Variants in CALN1 observed in about 807,000 individuals in gnomAD.
CALN1 encodes calcium-binding protein 8.
A neutral mutation model predicts 30.6 loss-of-function variants in CALN1; 17 were observed. That is an observed-to-expected ratio of 0.56 (90% CI 0.38 to 0.83). The LOEUF is 0.83. Among genes scored for constraint, CALN1 ranks in the 40% least tolerant of loss-of-function variants. CALN1 has a pLI of 0.00. For missense variants in CALN1, 291 were observed against 354.9 expected (o/e 0.82, Z 1.45); for synonymous variants, 156 against 131.4 (o/e 1.19, Z -1.28).
At chr7:71,897,227 T>C (rs1188686480) in intron 5 of CALN1, among the ~76,000 whole-genome samples, 1 of 152,228 alleles carries the variant, frequency 6.6e-6, no homozygotes, top group Non-Finnish European at 1.5e-5. Context: ...CATTTAATTT[T>C]GGTGTTTATT....
At chr7:71,921,839 C>T (rs951338388) in intron 5 of CALN1, among the ~76,000 whole-genome samples, 4 of 151,960 alleles carry the variant, frequency 2.6e-5, no homozygotes, top group African/African-American at 9.7e-5. Context: ...CCCCCGCCGC[C>T]ATCCTACCCC....
intron 2 of CALN1, among the ~76,000 whole-genome samples, chr7:72,281,000 T>C (rs1797700094): frequency 6.6e-6 from 1 of 151,948 alleles, no homozygotes. Context: ...AAAAATTAGC[T>C]GGACATGGTA....
At chr7:72,053,512 T>C (rs1397047339) in intron 4 of CALN1, among the ~76,000 whole-genome samples, 3 of 152,150 alleles carry the variant, frequency 2.0e-5, no homozygotes, top group African/African-American at 7.2e-5. Context: ...GCTGAACTGA[T>C]TTACACTCCC....
intron 2 of CALN1, among the ~76,000 whole-genome samples, chr7:72,330,165 C>A (rs919463999): frequency 2.6e-5 from 4 of 151,664 alleles, no homozygotes; most frequent in Non-Finnish European, 5.9e-5. Flanking sequence ...TGGTGGCGGG[C>A]GCCTGTAATC....
intron 5 of CALN1, among the ~76,000 whole-genome samples, chr7:71,847,811 G>A (rs983104437): frequency 5.2e-5 from 3 of 57,798 alleles, no homozygotes; most frequent in Admixed American, 2.3e-4. Flanking sequence ...AGAAAAGAAG[G>A]AGAAGGAGAA....
intron 4 of CALN1, among the ~76,000 whole-genome samples, chr7:72,049,812 TC>T (rs59362864): frequency 0.42 from 44,520 of 105,496 alleles, 10,961 homozygotes; most frequent in East Asian, 0.73. Context: ...CAAGTCTATT[TC>T]TTTTTTTTTT....
At chr7:72,271,570 A>AG (rs1796974541) in intron 3 of CALN1, among the ~76,000 whole-genome samples, 1 of 109,222 alleles carries the variant, frequency 9.2e-6, no homozygotes, top group Admixed American at 9.7e-5. Flanking sequence ...CTTTTAAAAA[A>AG]AAAAAATATA....
chr7:71,841,616 G>C (rs954850121), intron 5 of CALN1, among the ~76,000 whole-genome samples: 1 of 152,196 alleles, frequency 6.6e-6, no homozygotes, highest in Non-Finnish European at 1.5e-5. Context: ...TGCCCTAGAT[G>C]GTGGACTGGA....
intron 3 of CALN1, among the ~76,000 whole-genome samples, chr7:72,121,226 A>ATTCCATATTATGTATTATATAT (rs1808359192): frequency 7.0e-6 from 1 of 142,000 alleles, no homozygotes; most frequent in African/African-American, 2.6e-5. Flanking sequence ...GTATTATATA[A>ATTCCATATTATGTATTATATAT]CTATATAATT....
At chr7:72,351,588 T>C (rs1263444230) in intron 2 of CALN1, among the ~76,000 whole-genome samples, 2 of 152,184 alleles carry the variant, frequency 1.3e-5, no homozygotes, top group Admixed American at 6.5e-5. Context: ...AATATACTAT[T>C]AAAAGATAGT....
intron 5 of CALN1, among the ~76,000 whole-genome samples, chr7:71,892,640 T>C (rs1793308303): frequency 6.6e-6 from 1 of 152,186 alleles, no homozygotes; most frequent in Non-Finnish European, 1.5e-5. Flanking sequence ...AAAATCCAAA[T>C]TATTTTCAAT....
At chr7:71,903,960 C>T (rs1339239769) in intron 5 of CALN1, among the ~76,000 whole-genome samples, 3 of 152,064 alleles carry the variant, frequency 2.0e-5, no homozygotes, top group Non-Finnish European at 4.4e-5. Flanking sequence ...GCTCAACATC[C>T]CTTATCATCA....
At chr7:72,034,502 C>T (rs1157648988) in intron 4 of CALN1, among the ~76,000 whole-genome samples, 3 of 151,552 alleles carry the variant, frequency 2.0e-5, no homozygotes, top group Non-Finnish European at 4.4e-5. Flanking sequence ...TTGAAAGTCT[C>T]CAGGATGTGC....
At chr7:72,492,966 C>T in the CALN1 span, among the ~76,000 whole-genome samples, 18 of 152,324 alleles carry the variant, frequency 1.2e-4, no homozygotes, top group East Asian at 1.5e-3. Context: ...TAGCTGAACA[C>T]GAGTATTCTT....
chr7:72,414,022 T>G (rs1344390839), upstream of CALN1, among the ~76,000 whole-genome samples: 1 of 152,140 alleles, frequency 6.6e-6, no homozygotes, highest in Non-Finnish European at 1.5e-5. Context: ...ATTAAAATAC[T>G]CCTGAGAGCA....
the CALN1 span, among the ~76,000 whole-genome samples, chr7:72,474,088 C>T: frequency 6.6e-6 from 1 of 152,098 alleles, no homozygotes; most frequent in Non-Finnish European, 1.5e-5. Flanking sequence ...AAGATCATAA[C>T]ATTTGGAAAT....
intron 2 of CALN1, among the ~76,000 whole-genome samples, chr7:72,337,905 C>T (rs1411245249): frequency 6.6e-6 from 1 of 152,250 alleles, no homozygotes; most frequent in African/African-American, 2.4e-5. Flanking sequence ...AATTCGCAGA[C>T]TGTCTGCAAC....
At chr7:72,191,408 C>A (rs1359714788) in intron 3 of CALN1, among the ~76,000 whole-genome samples, 2 of 151,948 alleles carry the variant, frequency 1.3e-5, no homozygotes, top group Non-Finnish European at 2.9e-5. Flanking sequence ...TCGAGACCAG[C>A]CTGGCCAACA....
chr7:71,788,020 T>C (rs1270226417), intron 6 of CALN1, 118 bp from the exon 7 acceptor site: 9 of 1,370,418 alleles, frequency 6.6e-6, no homozygotes, highest in Non-Finnish European at 9.1e-6. Flanking sequence ...CAGTGAGTCC[T>C]ATAGGATGAG....
Sources: allele counts gnomAD v4.1 joint callset (sites outside exome capture counted in the v4.1 genomes callset), GRCh38; gene constraint gnomAD v4.1.1; transcripts MANE v1.5; gene names NCBI Gene and HGNC (gene_info 2026-07-23, HGNC 2026-07-21).